EPRS1: variants seen among roughly 807,000 people sequenced by gnomAD.
EPRS1 encodes the protein glutamyl-prolyl-tRNA synthetase 1.
A neutral mutation model predicts 188.3 loss-of-function variants in EPRS1; 107 were observed. The observed-to-expected ratio is 0.57, with a 90% CI of 0.49 to 0.67. The LOEUF is 0.67. EPRS1 is among the 30% of genes least tolerant of loss of function. The probability of loss-of-function intolerance (pLI) is 0.00; values close to 1 mark genes in which losing one functional copy is unlikely to be tolerated. For synonymous variants in EPRS1, 596 were observed against 593.1 expected (o/e 1.00, Z -0.07); for missense variants, 1,577 against 1,802.2 (o/e 0.88, Z 2.26).
At chr1:220,016,009 C>T (rs779426280) in intron 12 of EPRS1, among the ~76,000 whole-genome samples, 14 of 152,084 alleles carry the variant, frequency 9.2e-5, no homozygotes, top group Non-Finnish European at 1.8e-4. Flanking sequence ...ATACCTAAGG[C>T]ATCTGAATAT....
chr1:219,998,947 C>T (rs1558050321), intron 17 of EPRS1, among the ~76,000 whole-genome samples: 2 of 149,642 alleles, frequency 1.3e-5, no homozygotes, highest in Non-Finnish European at 3.0e-5. Flanking sequence ...ATCACACTGC[C>T]TTGTGTGTGA....
intron 18 of EPRS1, among the ~76,000 whole-genome samples, chr1:219,990,202 T>C (rs1661093260): frequency 6.6e-6 from 1 of 151,718 alleles, no homozygotes; most frequent in African/African-American, 2.4e-5. Context: ...AGCAAACCAC[T>C]CTGTTATTCA....
intron 17 of EPRS1, among the ~76,000 whole-genome samples, chr1:219,999,124 T>C (rs997921532): frequency 6.6e-6 from 1 of 152,032 alleles, no homozygotes; most frequent in Non-Finnish European, 1.5e-5. Flanking sequence ...TAAAAAACAT[T>C]TTTTACCATA....
chr1:219,984,812 G>A, intron 20 of EPRS1, among the ~76,000 whole-genome samples: 1 of 152,118 alleles, frequency 6.6e-6, no homozygotes, highest in Non-Finnish European at 1.5e-5. Flanking sequence ...GGAGGCCAAG[G>A]CAGGCAGATC....
Position 220,030,420 on chromosome 1 carries a change from T to C in EPRS1, c.589A>G (p.Lys197Glu). Reference sequence around the variant, plus strand: ...TCTGGAGGAAATCTGACGGTAACCTTTCCCATCTCCGCACCTGGAAGCTCA... The same window carrying C: ...TCTGGAGGAAATCTGACGGTAACCTCTCCCATCTCCGCACCTGGAAGCTCA... ...FVELPGAEMG[K>E]VTVRFPPEAS... The change falls in exon 6 of 32, where the codon AAG (lysine) becomes GAG (glutamate). Residue 197 changes from lysine to glutamate, a missense_variant. By Grantham distance (56) the Lys-to-Glu change is moderately conservative. Coordinates refer to ENST00000366923, the MANE Select transcript of EPRS1 (RefSeq NM_004446.3). The C allele has an allele frequency of 1.2e-6, 2 of 1,614,118 alleles. No individual in the cohort carries two copies. The highest frequency in any genetic ancestry group is 8.5e-7 in the Non-Finnish European group (1 of 1,179,968).
intron 1 of EPRS1, among the ~76,000 whole-genome samples, chr1:220,041,838 C>T (rs1393961071): frequency 6.6e-6 from 1 of 151,326 alleles, no homozygotes; most frequent in Non-Finnish European, 1.5e-5. Context: ...GAAATTCTGT[C>T]TGAAAAAAAA....
chr1:220,007,706 C>T (rs1360531014), intron 13 of EPRS1, among the ~76,000 whole-genome samples: 1 of 152,226 alleles, frequency 6.6e-6, no homozygotes, highest in African/African-American at 2.4e-5. Context: ...ATTGATTTCA[C>T]AGCTAAGACA....
chr1:219,983,820 G>C (rs1660948815), intron 21 of EPRS1, among the ~76,000 whole-genome samples: 1 of 151,470 alleles, frequency 6.6e-6, no homozygotes, highest in South Asian at 2.1e-4. Flanking sequence ...TTGAACCCAG[G>C]AGGCGGAGGT....
At chr1:219,996,712 A>G (rs1329810834) in intron 18 of EPRS1, among the ~76,000 whole-genome samples, 1 of 152,174 alleles carries the variant, frequency 6.6e-6, no homozygotes, top group Non-Finnish European at 1.5e-5. Flanking sequence ...AACCCTTTAC[A>G]TAGCAACTTA....
intron 6 of EPRS1, among the ~76,000 whole-genome samples, chr1:220,026,669 T>A (rs1661978233): frequency 6.6e-6 from 1 of 151,892 alleles, no homozygotes; most frequent in Admixed American, 6.5e-5. Context: ...TAGCTGATAC[T>A]ACAGGTGCCT....
intron 7 of EPRS1, 79 bp from the exon 8 acceptor site, chr1:220,024,535 A>C (rs1047369866): frequency 3.4e-6 from 3 of 888,692 alleles, no homozygotes; most frequent in Non-Finnish European, 5.2e-6. Flanking sequence ...TACTGCATTT[A>C]AGCAAATGTA....
intron 20 of EPRS1, among the ~76,000 whole-genome samples, chr1:219,985,155 G>C (rs1660983166): frequency 6.6e-6 from 1 of 151,740 alleles, no homozygotes; most frequent in South Asian, 2.1e-4. Context: ...CAAAAGCTAT[G>C]ATTCTATGCA....
chr1:219,978,973 T>TTC lies in EPRS1; in HGVS notation c.3910-255_3910-254insGA, dbSNP rs1558271055. ...ATATATATATATATATATTTTTTTTTCCCCCCCAGCCTCCCAAGTAGCTGG... is the reference window on the plus strand; with the variant it reads ...ATATATATATATATATATTTTTTTTTTCCCCCCCCAGCCTCCCAAGTAGCTGG... On this transcript the variant is annotated intron_variant, in intron 27 of 31. Transcript: ENST00000366923. Among the ~76,000 whole-genome samples the TTC allele has an allele frequency of 9.8e-5, 14 of 143,364 alleles. No homozygotes were observed. In the East Asian group the frequency reaches 1.2e-3, roughly 13 times the overall value. 94.1% of individuals were successfully genotyped at this position (143,364 alleles called of 152,430 possible). A position where few individuals can be genotyped will look rare whatever the true frequency, so the allele number is the denominator to read the frequency against.
chr1:219,973,527 AAGAG>A, intron 28 of EPRS1, 129 bp from the exon 29 acceptor site: 2 of 415,898 alleles, frequency 4.8e-6, no homozygotes. Flanking sequence ...CAAAAAAAAC[AAGAG>A]AAAAAAAAAA....
intron 1 of EPRS1, among the ~76,000 whole-genome samples, chr1:220,045,486 A>G (rs1422421316): frequency 6.6e-6 from 1 of 152,152 alleles, no homozygotes; most frequent in Admixed American, 6.6e-5. Flanking sequence ...CCTGGACGAT[A>G]GAGCAAGACC....
chr1:220,016,931 C>T (rs2789810), intron 12 of EPRS1, among the ~76,000 whole-genome samples: 131,425 of 152,120 alleles, frequency 0.86, 57,204 homozygotes, highest in African/African-American at 0.97. Context: ...ATATAAGCAA[C>T]AGGCCGGACA....
intron 6 of EPRS1, among the ~76,000 whole-genome samples, chr1:220,027,904 A>C (rs1175808949): frequency 6.6e-6 from 1 of 152,010 alleles, no homozygotes; most frequent in Non-Finnish European, 1.5e-5. Flanking sequence ...GAAATCTTAG[A>C]TCAGAAAAGA....
Position 219,968,859 on chromosome 1 carries a change from C to G in EPRS1, c.4486G>C (p.Val1496Leu). Residue 1496 changes from valine (V) to leucine (L), a missense_variant, in exon 32 of 32, where the codon GTC (valine) becomes CTC (leucine). Val to Leu is a conservative substitution (Grantham distance 32, BLOSUM62 1). This residue lies in a region of EPRS1 where 296 missense variants were observed against 327.9 expected (regional missense o/e 0.90). Coordinates refer to ENST00000366923, the MANE Select transcript of EPRS1 (RefSeq NM_004446.3). ...TACTTGGCAGGGTTCTTGCCACAGA[C>G]ACATTTGGCTCCAGGCTGCAGTTCA... Reference protein sequence around the residue: ...LCELQPGAKCVCGKNPAKYYT... With the variant: ...LCELQPGAKCLCGKNPAKYYT... 6.2e-7 allele frequency: 1 copy of G among 1,614,154 alleles called. No individual in the cohort carries two copies. Among genetic ancestry groups the G allele is most frequent in the Non-Finnish European group, 8.5e-7 (1 of 1,180,006 alleles).
intron 1 of EPRS1, among the ~76,000 whole-genome samples, chr1:220,044,892 A>G (rs1662373008): frequency 6.6e-6 from 1 of 152,084 alleles, no homozygotes; most frequent in East Asian, 1.9e-4. Flanking sequence ...CAGAAACCAA[A>G]TGTCTTTGCT....
Sources: gnomAD v4.1 joint callset for allele counts (sites outside exome capture counted in the v4.1 genomes callset) on GRCh38, gnomAD v4.1.1 for gene constraint, gnomAD v4.1.1 regional missense constraint, MANE v1.5 for transcripts, NCBI Gene and HGNC (gene_info 2026-07-23, HGNC 2026-07-21) for gene names.